The following MTFR1 variants were observed in gnomAD, a reference collection of about 807,000 sequenced individuals.
MTFR1 encodes chondrocyte protein with a poly-proline region.
In MTFR1, 28 loss-of-function variants were observed where a neutral mutation model predicts 38.8. The ratio of observed to expected loss-of-function variants is 0.72; its 90% CI spans 0.53 to 0.99. The LOEUF (loss-of-function observed/expected upper bound fraction) is 0.99, where lower values mean the gene tolerates loss of function less well. Ranked by LOEUF, MTFR1 falls within the 50% of genes least tolerant of loss-of-function variation. The pLI, the probability that MTFR1 is intolerant of heterozygous loss-of-function variation, is 0.00. For synonymous variants in MTFR1, 145 were observed against 137.0 expected (o/e 1.06, Z -0.41); for missense variants, 358 against 395.5 (o/e 0.91, Z 0.81).
intron 4 of MTFR1, among the ~76,000 whole-genome samples, chr8:65,694,912 G>A (rs1368765870): frequency 6.6e-6 from 1 of 152,206 alleles, no homozygotes; most frequent in African/African-American, 2.4e-5. Context: ...CTGCCAGATG[G>A]CTCAATGAGA....
At chr8:65,745,233 T>A (rs558981120) in intron 3 of MTFR1, among the ~76,000 whole-genome samples, 24 of 152,216 alleles carry the variant, frequency 1.6e-4, no homozygotes, top group Non-Finnish European at 3.2e-4. Context: ...TTTTTCTCAA[T>A]TACCCAGTCT....
In MTFR1 at chr8:65,726,329, TA is replaced by T. The variant is rs548797957; in HGVS notation, c.*48+6849del. ...TTATTAGGTTCTAAAATAGCCCATT[TA>T]TTTTTTTTTCCTAAAATATTAGGGT... is the stretch of plus-strand genomic sequence containing the variant. On this transcript the variant is annotated intron_variant, in intron 3 of 3. Coordinates refer to the MTFR1 transcript ENST00000521247. 5.3e-3 allele frequency among the ~76,000 whole-genome samples: 793 copies of T among 149,286 alleles called. 6 individuals carry two copies. The highest frequency in any genetic ancestry group is 0.018 in the African/African-American group (743 of 41,382).
intron 3 of MTFR1, among the ~76,000 whole-genome samples, chr8:65,732,456 A>C (rs1806936784): frequency 6.6e-6 from 1 of 152,238 alleles, no homozygotes; most frequent in African/African-American, 2.4e-5. Context: ...GCAGATGCTC[A>C]AAGAGTATAA....
In MTFR1 at chr8:65,709,187, T is replaced by C. The variant is rs888271770; in HGVS notation, c.*143T>C. On this transcript the variant is annotated 3_prime_UTR_variant, in exon 8 of 8. Transcript: ENST00000262146. The stretch of plus-strand genomic sequence containing the variant: ...TCAGGCTAATTAGTGGATTAAGCAA[T>C]AATGAAAGCACTAAGTTTGGTTTTG... The C allele has an allele frequency of 1.2e-5, 9 of 736,258 alleles. No individual in the cohort carries two copies. Among genetic ancestry groups the C allele is most frequent in the Non-Finnish European group, 2.1e-5 (9 of 437,298 alleles). 45.6% of individuals were successfully genotyped at this position (736,258 alleles called of 1,614,324 possible). A position where few individuals can be genotyped will look rare whatever the true frequency, so the allele number is the denominator to read the frequency against.
chr8:65,729,320 T>C (rs933749704), intron 3 of MTFR1, among the ~76,000 whole-genome samples: 1 of 151,622 alleles, frequency 6.6e-6, no homozygotes, highest in Non-Finnish European at 1.5e-5. Flanking sequence ...GCCCTTATCA[T>C]TTCCCATTGT....
intron 3 of MTFR1, among the ~76,000 whole-genome samples, chr8:65,749,515 A>G (rs975205853): frequency 5.3e-5 from 8 of 152,236 alleles, no homozygotes; most frequent in Admixed American, 1.3e-4. Flanking sequence ...TAGAACCAAA[A>G]TAGTAAAAAC....
chr8:65,707,744 T>G, intron 6 of MTFR1, 99 bp from the exon 7 acceptor site: 1 of 1,442,410 alleles, frequency 6.9e-7, no homozygotes. Context: ...GTAGCTATGA[T>G]GCTGGAGAGG....
rs768600346 is a variant in MTFR1, at chr8:65,727,215, T to C, written c.*48+7734T>C. The stretch of plus-strand genomic sequence containing the variant: ...AATGGTTAGTTTTAATAAGGAAAGG[T>C]TGATTAACACCTGGATGATCCAGAT... On this transcript the variant is annotated intron_variant, in intron 3 of 3. Coordinates refer to the MTFR1 transcript ENST00000521247. The C allele has an allele frequency of 1.9e-5, 30 of 1,613,602 alleles. 2 individuals carry two copies. The South Asian group carries it at 3.2e-4, about 17-fold the overall frequency.
rs1805729098 is a variant in MTFR1 at position 65,704,793 on chromosome 8, G to A, written c.381G>A (p.Glu127=). 1.9e-6 allele frequency: 3 copies of A among 1,614,014 alleles called. No individual in the cohort carries two copies. Among genetic ancestry groups the A allele is most frequent in the South Asian group, 2.2e-5 (2 of 91,086 alleles). ...QISLPDLSQE[E]PQLKTPALAN... ...CCTTACCAGACTTGTCTCAAGAAGA[G>A]CCTCAGCTGAAGACCCCAGCGCTGG... Residue 127 remains glutamate, a synonymous_variant, in exon 5 of 8, where the codon GAG becomes GAA. Transcript: ENST00000262146.
At chr8:65,716,686 T>C (rs1344357461) in intron 2 of MTFR1, among the ~76,000 whole-genome samples, 1 of 152,210 alleles carries the variant, frequency 6.6e-6, no homozygotes, top group Admixed American at 6.5e-5. Flanking sequence ...TAAATTAAAA[T>C]ATTGATAGTG....
In MTFR1 at chr8:65,652,145, G is replaced by A. The variant is rs1479959027; in HGVS notation, c.-81+7361G>A. ...GACGAAGTCCCACTCTGTCGCCCGG[G>A]CTGGAGTCTGGGGTGCAGTGGTGCT... On this transcript the variant is annotated intron_variant, in intron 1 of 7. Coordinates refer to ENST00000262146, the MANE Select transcript of MTFR1 (RefSeq NM_014637.4). Among the ~76,000 whole-genome samples the A allele has an allele frequency of 2.0e-5, 3 of 152,092 alleles. No individual in the cohort carries two copies. In the East Asian group the frequency reaches 5.8e-4, roughly 29 times the overall value.
chr8:65,689,981 A>G (rs1339814991), intron 3 of MTFR1, among the ~76,000 whole-genome samples: 1 of 152,204 alleles, frequency 6.6e-6, no homozygotes, highest in Non-Finnish European at 1.5e-5. Flanking sequence ...TTGAGCACAT[A>G]TTATGGACTT....
intron 3 of MTFR1, among the ~76,000 whole-genome samples, chr8:65,760,846 C>A (rs1190596321): frequency 6.6e-6 from 1 of 151,974 alleles, no homozygotes; most frequent in African/African-American, 2.4e-5. Flanking sequence ...TTAGCGAAAC[C>A]TGAGTGAAAA....
At chr8:65,664,933 A>ATTTT (rs374209617) in intron 1 of MTFR1, among the ~76,000 whole-genome samples, 1 of 125,694 alleles carries the variant, frequency 8.0e-6, no homozygotes, top group Admixed American at 8.6e-5. Flanking sequence ...TTAAAAAAAA[A>ATTTT]TTTTTTTTTT....
exon 4 of MTFR1, chr8:65,771,005 A>G: frequency 2.8e-6 from 1 of 355,064 alleles, no homozygotes; most frequent in South Asian, 2.2e-5. Context: ...AATCCTACTG[A>G]AGATAAATTT....
chr8:65,701,645 AG>A (rs1169831556), intron 4 of MTFR1, among the ~76,000 whole-genome samples: 4 of 152,330 alleles, frequency 2.6e-5, no homozygotes, highest in African/African-American at 9.6e-5. Flanking sequence ...TACTTATAAA[AG>A]TCTGTAATAT....
rs1465298542 is a variant in MTFR1 at position 65,707,867 on chromosome 8, G to A, written c.789G>A (p.Lys263=). ...VKRSEQDVKP[K]PVDATDPAAL... ...GGTCAGAGCAAGATGTGAAGCCCAA[G>A]CCAGTGGATGCTACTGACCCTGCTG... The change falls in exon 7 of 8, where the codon AAG becomes AAA. Residue 263 remains lysine (K), a synonymous_variant. Transcript: ENST00000262146. The A allele has an allele frequency of 1.1e-5, 18 of 1,614,040 alleles. No individual in the cohort carries two copies. Among genetic ancestry groups the A allele is most frequent in the Non-Finnish European group, 1.5e-5 (18 of 1,180,012 alleles).
chr8:65,769,015 A>C (rs1347730134), intron 3 of MTFR1, among the ~76,000 whole-genome samples: 1 of 152,172 alleles, frequency 6.6e-6, no homozygotes, highest in Admixed American at 6.5e-5. Flanking sequence ...TGGAAGGCTG[A>C]GGTAGGCAGA....
chr8:65,745,449 T>A, intron 3 of MTFR1: 2 of 1,565,948 alleles, frequency 1.3e-6, no homozygotes, highest in Non-Finnish European at 1.8e-6. Flanking sequence ...AAATTCCAAT[T>A]TCCAACTTTT....
Sources: gnomAD v4.1 joint callset for allele counts (sites outside exome capture counted in the v4.1 genomes callset) on GRCh38, gnomAD v4.1.1 for gene constraint, MANE v1.5 for transcripts, NCBI Gene and HGNC (gene_info 2026-07-23, HGNC 2026-07-21) for gene names.